The following FHIT variants were observed in gnomAD, a reference collection of about 807,000 sequenced individuals.
FHIT encodes bis(5'-adenosyl)-triphosphatase.
A neutral mutation model predicts 17.9 loss-of-function variants in FHIT; 19 were observed. That is an observed-to-expected ratio of 1.06 (90% confidence interval 0.74 to 1.56). The LOEUF (loss-of-function observed/expected upper bound fraction) is 1.56, where lower values mean the gene tolerates loss of function less well. FHIT is among the 40% of genes most tolerant of loss of function. The probability of loss-of-function intolerance (pLI) is 0.00; values close to 1 mark genes in which losing one functional copy is unlikely to be tolerated. For synonymous variants in FHIT, 81 were observed against 69.7 expected (o/e 1.16, Z -0.81); for missense variants, 248 against 189.2 (o/e 1.31, Z -1.82).
intron 1 of FHIT, among the ~76,000 whole-genome samples, chr3:61,221,374 TG>T (rs2039833562): frequency 6.6e-6 from 1 of 152,226 alleles, no homozygotes; most frequent in South Asian, 2.1e-4. Flanking sequence ...AGGTTCATCT[TG>T]GGGAGAAACT....
At chr3:60,533,666 G>A (rs1046692461) in intron 5 of FHIT, among the ~76,000 whole-genome samples, 1 of 152,152 alleles carries the variant, frequency 6.6e-6, no homozygotes, top group Admixed American at 6.5e-5. Flanking sequence ...GAAAAGCATG[G>A]GGAGGAATCT....
rs143951495 is a variant in FHIT, at chr3:60,472,157, TAAA to T, written c.103+64700_103+64702del. Among the ~76,000 whole-genome samples the T allele has an allele frequency of 2.2e-4, 33 of 146,808 alleles. No individual in the cohort carries two copies. In the South Asian group the frequency reaches 5.4e-3, roughly 24 times the overall value. On this transcript the variant is annotated intron_variant, in intron 5 of 9. Transcript: ENST00000492590. ...AGTAGCTCTCAGTCTACTTTTTTGT[TAAA>T]AAAAAAAAAGAGCAAAAACAACAGC...
intron 2 of FHIT, among the ~76,000 whole-genome samples, chr3:61,157,027 T>C (rs1576120812): frequency 6.6e-6 from 1 of 152,318 alleles, no homozygotes. Flanking sequence ...TGGATATGAT[T>C]CTTCACCTGA....
intron 8 of FHIT, among the ~76,000 whole-genome samples, chr3:59,774,542 G>A (rs1318135984): frequency 6.6e-6 from 1 of 152,198 alleles, no homozygotes; most frequent in East Asian, 1.9e-4. Context: ...GTTGATATAT[G>A]TGAACTTCCT....
At chr3:60,482,639 G>C (rs747027212) in intron 5 of FHIT, among the ~76,000 whole-genome samples, 19 of 152,130 alleles carry the variant, frequency 1.2e-4, no homozygotes, top group Non-Finnish European at 2.2e-4. Flanking sequence ...TGAGAACAAA[G>C]AGACAACATA....
chr3:60,095,762 G>A (rs895507859), intron 5 of FHIT, among the ~76,000 whole-genome samples: 7 of 152,298 alleles, frequency 4.6e-5, no homozygotes, highest in Non-Finnish European at 5.9e-5. Flanking sequence ...CAGCCTGTTC[G>A]TTCTGTAAAA....
At chr3:59,912,293 T>C (rs1461758029) in intron 8 of FHIT, among the ~76,000 whole-genome samples, 2 of 152,152 alleles carry the variant, frequency 1.3e-5, no homozygotes, top group African/African-American at 4.8e-5. Context: ...ACTAGCCCAA[T>C]GCCCCAGGGA....
chr3:59,924,948 C>T (rs986286105), intron 7 of FHIT, among the ~76,000 whole-genome samples: 1 of 152,218 alleles, frequency 6.6e-6, no homozygotes, highest in Non-Finnish European at 1.5e-5. Context: ...AGTGTGGGCA[C>T]GGAGGTCACT....
intron 5 of FHIT, among the ~76,000 whole-genome samples, chr3:60,502,637 C>T (rs1348596938): frequency 1.3e-5 from 2 of 152,074 alleles, no homozygotes; most frequent in African/African-American, 4.8e-5. Flanking sequence ...TATTTATTGC[C>T]TACCATGTAC....
chr3:60,512,397 C>T (rs6771732), intron 5 of FHIT, among the ~76,000 whole-genome samples: 89,356 of 151,984 alleles, frequency 0.59, 26,845 homozygotes, highest in African/African-American at 0.72. Context: ...AACATGTTTC[C>T]ACATATGTCA....
chr3:61,022,596 T>A (rs1466369146), intron 3 of FHIT, among the ~76,000 whole-genome samples: 1 of 152,178 alleles, frequency 6.6e-6, no homozygotes, highest in East Asian at 1.9e-4. Flanking sequence ...AAATCTTCAA[T>A]AAAATACTGG....
intron 2 of FHIT, among the ~76,000 whole-genome samples, chr3:61,145,115 C>T (rs2037189917): frequency 6.6e-6 from 1 of 152,044 alleles, no homozygotes; most frequent in African/African-American, 2.4e-5. Flanking sequence ...AAACCTAACT[C>T]AAGATGACAA....
intron 2 of FHIT, among the ~76,000 whole-genome samples, chr3:61,116,187 G>A (rs1291217186): frequency 2.0e-5 from 3 of 151,882 alleles, no homozygotes; most frequent in Non-Finnish European, 2.9e-5. Flanking sequence ...TCTTGGTGGT[G>A]CCATCTTAAG....
chr3:60,574,878 A>G (rs1473615544), intron 4 of FHIT, among the ~76,000 whole-genome samples: 5 of 136,372 alleles, frequency 3.7e-5, no homozygotes, highest in Admixed American at 3.0e-4. Flanking sequence ...GTTGCCCCCC[A>G]CCCCCCATGT....
chr3:60,119,512 G>A (rs535236770), intron 5 of FHIT, among the ~76,000 whole-genome samples: 1 of 152,130 alleles, frequency 6.6e-6, no homozygotes, highest in African/African-American at 2.4e-5. Context: ...ACAACTAACA[G>A]CATTATAAAA....
rs576030357 is a variant in FHIT, at chr3:59,814,550, A to C, written c.349-62229T>G. ...ACATTCAACAAGTCATTTGGAAATA[A>C]CATCAAATGTCGAAATTTGAGACCC... On this transcript the variant is annotated intron_variant, in intron 8 of 9. Transcript: ENST00000492590. 1.4e-4 allele frequency among the ~76,000 whole-genome samples: 21 copies of C among 152,388 alleles called. 1 individual carries two copies. In the East Asian group the frequency reaches 1.9e-3, roughly 14 times the overall value.
intron 5 of FHIT, among the ~76,000 whole-genome samples, chr3:60,030,216 A>G (rs2106781254): frequency 6.6e-6 from 1 of 152,306 alleles, no homozygotes; most frequent in African/African-American, 2.4e-5. Flanking sequence ...AGTAACATCA[A>G]TACCATGCAT....
intron 2 of FHIT, among the ~76,000 whole-genome samples, chr3:61,057,188 T>A (rs12107926): frequency 0.014 from 2,147 of 152,350 alleles, 51 homozygotes; most frequent in African/African-American, 0.05. Flanking sequence ...ATATTCCTCA[T>A]TTGAATTTAG....
chr3:60,040,606 G>C (rs1462832986), intron 5 of FHIT, among the ~76,000 whole-genome samples: 2 of 152,094 alleles, frequency 1.3e-5, no homozygotes, highest in Non-Finnish European at 2.9e-5. Flanking sequence ...GCTCTCTCAT[G>C]CTTCAGAATC....
Sources: allele counts gnomAD v4.1 joint callset (sites outside exome capture counted in the v4.1 genomes callset), GRCh38; gene constraint gnomAD v4.1.1; transcripts MANE v1.5; gene names NCBI Gene and HGNC (gene_info 2026-07-23, HGNC 2026-07-21).